The following POTEF variants were observed in gnomAD, a reference collection of about 807,000 sequenced individuals.
POTEF encodes the protein ANKRD26-like family C member 1B.
Under a neutral mutation model 83.2 loss-of-function variants are expected in POTEF, and 20 were observed. The ratio of observed to expected loss-of-function variants is 0.24; its 90% CI spans 0.17 to 0.35. The LOEUF is 0.35. Among genes scored for constraint, POTEF ranks in the 10% least tolerant of loss-of-function variants. The pLI, the probability that POTEF is intolerant of heterozygous loss-of-function variation, is 1.00. For missense variants in POTEF, 550 were observed against 1,203.2 expected (o/e 0.46, Z 8.03); for synonymous variants, 196 against 446.4 (o/e 0.44, Z 7.07).
In POTEF at chr2:130,075,160, A is replaced by G. The variant is rs758038287; in HGVS notation, c.2312T>C (p.Met771Thr). Residue 771 changes from methionine (M) to threonine (T), a missense_variant, in exon 17 of 17, where the codon ATG becomes ACG. Transcript: ENST00000409914. ...KRGILTLKYP[M>T]EHGIITNWDD... is the part of the protein sequence containing the mutation. ...CCAGTTGGTGATGATGCCGTGTTCC[A>G]TGGGGTACTTCAGGGTCAGGATGCC... The G allele has an allele frequency of 2.5e-6, 4 of 1,613,308 alleles. No homozygotes were observed. Among genetic ancestry groups the G allele is most frequent in the Non-Finnish European group, 3.4e-6 (4 of 1,179,862 alleles).
At chr2:130,119,213 G>A (rs1684930578) in intron 3 of POTEF, among the ~76,000 whole-genome samples, 1 of 151,066 alleles carries the variant, frequency 6.6e-6, no homozygotes, top group African/African-American at 2.4e-5. Context: ...GCCCAGGCTG[G>A]AGTGCAGTGG....
intron 7 of POTEF, among the ~76,000 whole-genome samples, 174 bp from the exon 8 acceptor site, chr2:130,108,253 AAAG>A (rs1162955444): frequency 4.0e-5 from 6 of 151,238 alleles, no homozygotes; most frequent in African/African-American, 4.9e-5. Context: ...GCTTCTAATT[AAAG>A]AAGAAAAAAA....
chr2:130,122,976 T>C (rs1685029283), intron 2 of POTEF, among the ~76,000 whole-genome samples: 1 of 141,298 alleles, frequency 7.1e-6, no homozygotes, highest in Admixed American at 7.3e-5. Flanking sequence ...TTTAGATGCC[T>C]TTCCTTTCTT....
Position 130,075,327 on chromosome 2 carries a change from G to T in POTEF, c.2145C>A (p.Gly715=). ...TAVLVIDNGS[G]MCKAGFAGDD... ...CGCCCGCAAAGCCGGCCTTGCACATGCCAGAGCCGTTGTCAATGACGAGCA... is the reference window on the plus strand; with the variant it reads ...CGCCCGCAAAGCCGGCCTTGCACATTCCAGAGCCGTTGTCAATGACGAGCA... The change falls in exon 17 of 17, where the codon GGC becomes GGA. Residue 715 remains glycine, a synonymous_variant. Transcript: ENST00000409914. 2 of 1,612,662 alleles carry T rather than the reference G, an allele frequency of 1.2e-6. No homozygotes were observed. The highest frequency in any genetic ancestry group is 8.5e-7 in the Non-Finnish European group (1 of 1,179,836).
At chr2:130,098,608 A>C (rs1335170846) in intron 11 of POTEF, among the ~76,000 whole-genome samples, 2 of 131,630 alleles carry the variant, frequency 1.5e-5, no homozygotes, top group African/African-American at 3.1e-5. Flanking sequence ...ATCTAACCTC[A>C]CTTGTAAAAA....
At chr2:130,104,349 C>T (rs1288917094) in intron 8 of POTEF, among the ~76,000 whole-genome samples, 1 of 145,152 alleles carries the variant, frequency 6.9e-6, no homozygotes, top group Admixed American at 6.9e-5. Context: ...AGATTTCTAT[C>T]CAGTCTTCCT....
In POTEF at chr2:130,120,918, A is replaced by G. The variant is rs949581433; in HGVS notation, c.-93-310T>C. The G allele has an allele frequency of 2.2e-4, 67 of 303,114 alleles. 2 individuals carry two copies. In the Admixed American group the frequency reaches 2.9e-3, roughly 13 times the overall value. 18.8% of individuals were successfully genotyped at this position (303,114 alleles called of 1,614,324 possible). A position where few individuals can be genotyped will look rare whatever the true frequency, so the allele number is the denominator to read the frequency against. ...ACGCCAAGCCAAGCCAAGAACGCAA[A>G]GCCAAGCCAAGCCGCTACAGGCCAG... On this transcript the variant is annotated intron_variant, in intron 2 of 16. Transcript: ENST00000409914.
Position 130,092,921 on chromosome 2 carries a change from A to T in POTEF, c.1480+517T>A, listed in dbSNP as rs1684164815. Among the ~76,000 whole-genome samples, 2 of 85,102 alleles carry T rather than the reference A, an allele frequency of 2.4e-5. 1 individual carries two copies. The highest frequency in any genetic ancestry group is 6.0e-4 in the East Asian group (2 of 3,310). The allele number at this position is 85,102 out of a possible 152,430, so 55.8% of individuals were successfully genotyped here. On this transcript the variant is annotated intron_variant, in intron 12 of 16. Coordinates refer to ENST00000409914, the MANE Select transcript of POTEF (RefSeq NM_001099771.2). ...CCCGGCCACAGACTGGTACCAGTCCACGGTCTGTGAGGAACCACGCCACAC... is the reference window on the plus strand; with the variant it reads ...CCCGGCCACAGACTGGTACCAGTCCTCGGTCTGTGAGGAACCACGCCACAC...
At chr2:130,117,482 T>G (rs1197054043) in intron 3 of POTEF, among the ~76,000 whole-genome samples, 3 of 151,902 alleles carry the variant, frequency 2.0e-5, no homozygotes, top group African/African-American at 7.3e-5. Flanking sequence ...CACTTACAAA[T>G]CCCCAGAAAC....
At chr2:130,103,258 A>G (rs1684423321) in intron 8 of POTEF, among the ~76,000 whole-genome samples, 2 of 149,914 alleles carry the variant, frequency 1.3e-5, no homozygotes, top group African/African-American at 5.0e-5. Flanking sequence ...ATGTACCATC[A>G]TGCCCAGCTA....
At position 130,108,291 on chromosome 2, in the gene POTEF, G is replaced by A. The variant is rs561534625; in HGVS notation, c.1056-212C>T. ...ATGTAAGGTGAAATAGTCATAAATC[G>A]AGGGCACTGTGACCCAGTAAATTAG... is the stretch of plus-strand genomic sequence containing the variant. On this transcript the variant is annotated intron_variant, in intron 7 of 16. Transcript: ENST00000409914. Among the ~76,000 whole-genome samples the A allele has an allele frequency of 8.3e-3, 1,233 of 148,544 alleles. 25 individuals carry two copies. Among genetic ancestry groups the A allele is most frequent in the Non-Finnish European group, 0.013 (877 of 67,380 alleles).
chr2:130,114,585 G>C (rs1205049912), intron 5 of POTEF, among the ~76,000 whole-genome samples: 1 of 145,740 alleles, frequency 6.9e-6, no homozygotes, highest in African/African-American at 2.6e-5. Context: ...ACATTCAATA[G>C]GGAAAAAACA....
chr2:130,124,568 T>C (rs965166166), intron 2 of POTEF, among the ~76,000 whole-genome samples: 1 of 144,626 alleles, frequency 6.9e-6, no homozygotes, highest in African/African-American at 2.6e-5. Context: ...AAATACATCT[T>C]CATATCCACA....
intron 2 of POTEF, among the ~76,000 whole-genome samples, chr2:130,126,384 TC>T (rs1685094113): frequency 6.6e-6 from 1 of 151,188 alleles, no homozygotes; most frequent in African/African-American, 2.4e-5. Context: ...CACTTAATAA[TC>T]TCATAAATTA....
At chr2:130,077,392 G>A (rs1194472007) in intron 15 of POTEF, among the ~76,000 whole-genome samples, 191 bp from the exon 16 acceptor site, 1 of 152,264 alleles carries the variant, frequency 6.6e-6, no homozygotes, top group Non-Finnish European at 1.5e-5. Flanking sequence ...TTTTGTGGAA[G>A]ATAATTTTTC....
At position 130,105,097 on chromosome 2, in the gene POTEF, T is replaced by A. The variant is rs531185369; in HGVS notation, c.1126+2912A>T. ...ACCTGGAAATTATCTGACATTTCTCTCTGTCCCCCAAGCCTTTCTCATTCA... is the reference window on the plus strand; with the variant it reads ...ACCTGGAAATTATCTGACATTTCTCACTGTCCCCCAAGCCTTTCTCATTCA... On this transcript the variant is annotated intron_variant, in intron 8 of 16. Transcript: ENST00000409914. Among the ~76,000 whole-genome samples the A allele has an allele frequency of 8.9e-5, 13 of 146,288 alleles. No homozygotes were observed. In the East Asian group the frequency reaches 2.2e-3, roughly 24 times the overall value.
At position 130,120,625 on chromosome 2, in the gene POTEF, G is replaced by C; in HGVS notation, c.-93-17C>G. ...GTTTCCAATCTGTTTGAAGAGAAAAGTCAATCCCAGCCAAAACCTGCCAAC... is the reference window on the plus strand; with the variant it reads ...GTTTCCAATCTGTTTGAAGAGAAAACTCAATCCCAGCCAAAACCTGCCAAC... On this transcript the variant is annotated splice_polypyrimidine_tract_variant and intron_variant, in intron 2 of 16. Coordinates refer to ENST00000409914, the MANE Select transcript of POTEF (RefSeq NM_001099771.2). 6.3e-7 allele frequency: 1 copy of C among 1,576,402 alleles called. No homozygotes were observed. The highest frequency in any genetic ancestry group is 1.2e-5 in the South Asian group (1 of 83,700).
chr2:130,109,299 C>T (rs1459415420), intron 7 of POTEF: 1 of 142,344 alleles, frequency 7.0e-6, no homozygotes, highest in African/African-American at 2.8e-5. Context: ...TATGTGCCGC[C>T]GAAGCAAGCA....
At chr2:130,113,801 T>C (rs1431539361) in intron 5 of POTEF, among the ~76,000 whole-genome samples, 1 of 151,580 alleles carries the variant, frequency 6.6e-6, no homozygotes, top group African/African-American at 2.4e-5. Flanking sequence ...TGAAAGCTAG[T>C]GCAACAGACA....
Sources: gnomAD v4.1 joint callset for allele counts (sites outside exome capture counted in the v4.1 genomes callset) on GRCh38, gnomAD v4.1.1 for gene constraint, MANE v1.5 for transcripts, NCBI Gene and HGNC (gene_info 2026-07-23, HGNC 2026-07-21) for gene names.